Variants in ATP10D observed in about 807,000 individuals in gnomAD.
ATP10D encodes the protein phospholipid-transporting ATPase VD.
A neutral mutation model predicts 144.8 loss-of-function variants in ATP10D; 89 were observed. That is an observed-to-expected ratio of 0.61 (90% CI 0.52 to 0.73). ATP10D has a LOEUF of 0.73. Ranked by LOEUF, ATP10D falls within the 30% of genes least tolerant of loss-of-function variation. The pLI, the probability that ATP10D is intolerant of heterozygous loss-of-function variation, is 0.00. For synonymous variants in ATP10D, 571 were observed against 615.1 expected (o/e 0.93, Z 1.06); for missense variants, 1,603 against 1,714.8 (o/e 0.93, Z 1.15).
intron 10 of ATP10D, among the ~76,000 whole-genome samples, chr4:47,553,534 G>T (rs1718830907): frequency 1.3e-5 from 2 of 152,212 alleles, no homozygotes; most frequent in South Asian, 4.1e-4. Flanking sequence ...AACATTAAAT[G>T]ACTTAGGTTC....
chr4:47,549,654 T>G (rs1718623161), intron 10 of ATP10D, among the ~76,000 whole-genome samples: 1 of 152,194 alleles, frequency 6.6e-6, no homozygotes, highest in Non-Finnish European at 1.5e-5. Context: ...AAATGAATAA[T>G]TATAAACCTG....
chr4:47,563,083 G>A (rs1719408212), intron 14 of ATP10D, among the ~76,000 whole-genome samples: 2 of 152,136 alleles, frequency 1.3e-5, no homozygotes, highest in Admixed American at 6.5e-5. Context: ...GGGAGGATAG[G>A]TCGGGGAGCA....
chr4:47,556,313 A>G (rs1367849306), intron 11 of ATP10D, among the ~76,000 whole-genome samples: 6 of 152,180 alleles, frequency 3.9e-5, no homozygotes, highest in Non-Finnish European at 8.8e-5. Context: ...TTTCCTTCCA[A>G]TTAAGTTGAG....
chr4:47,559,303 G>T (rs952703886), intron 13 of ATP10D, among the ~76,000 whole-genome samples: 1 of 152,084 alleles, frequency 6.6e-6, no homozygotes, highest in African/African-American at 2.4e-5. Flanking sequence ...GTTTGGCTGG[G>T]AATAAAAATC....
chr4:47,532,737 C>T (rs1378906047), intron 5 of ATP10D, among the ~76,000 whole-genome samples: 2 of 152,182 alleles, frequency 1.3e-5, no homozygotes, highest in East Asian at 1.9e-4. Context: ...CTGACATCCT[C>T]CCTATTTGTG....
At chr4:47,524,988 G>C (rs1717164881) in intron 4 of ATP10D, among the ~76,000 whole-genome samples, 1 of 152,068 alleles carries the variant, frequency 6.6e-6, no homozygotes, top group African/African-American at 2.4e-5. Context: ...TGTTTCAGGG[G>C]AATCCATACC....
Position 47,591,441 on chromosome 4 carries a change from A to G in ATP10D, c.*60A>G. 1 of 1,406,892 alleles carries G rather than the reference A, an allele frequency of 7.1e-7. No individual in the cohort carries two copies. The highest frequency in any genetic ancestry group is 2.3e-5 in the East Asian group (1 of 43,572). 87.2% of individuals were successfully genotyped at this position (1,406,892 alleles called of 1,614,324 possible). A position where few individuals can be genotyped will look rare whatever the true frequency, so the allele number is the denominator to read the frequency against. On this transcript the variant is annotated 3_prime_UTR_variant, in exon 23 of 23. Transcript: ENST00000273859. ...GTTGGAAGAGGGATTTTGAAGAGGT[A>G]TCTCTCCAAGCAAGAATGACTTGTT... is the stretch of plus-strand genomic sequence containing the variant.
chr4:47,565,278 G>A (rs1719564355), intron 15 of ATP10D, among the ~76,000 whole-genome samples: 1 of 152,064 alleles, frequency 6.6e-6, no homozygotes, highest in Non-Finnish European at 1.5e-5. Flanking sequence ...ATGTTTTTAT[G>A]GTCAGACCTC....
chr4:47,589,025 T>TA (rs1720912467), intron 22 of ATP10D, among the ~76,000 whole-genome samples: 1 of 152,180 alleles, frequency 6.6e-6, no homozygotes, highest in East Asian at 1.9e-4. Context: ...AGGTGGATCC[T>TA]AAATGTAACC....
chr4:47,515,804 T>A, intron 3 of ATP10D, 134 bp downstream of exon 3: 1 of 666,948 alleles, frequency 1.5e-6, no homozygotes, highest in Non-Finnish European at 2.4e-6. Context: ...TGTTTTCAAC[T>A]AATATTTCGT....
At chr4:47,531,171 T>C (rs1290612580) in intron 5 of ATP10D, among the ~76,000 whole-genome samples, 3 of 152,188 alleles carry the variant, frequency 2.0e-5, no homozygotes, top group Non-Finnish European at 2.9e-5. Flanking sequence ...TTATTAATGA[T>C]TCAATTTCAT....
At chr4:47,542,611 G>A (rs1045260183) in intron 9 of ATP10D, among the ~76,000 whole-genome samples, 2 of 152,006 alleles carry the variant, frequency 1.3e-5, no homozygotes, top group African/African-American at 4.8e-5. Flanking sequence ...CCTAGTAGCT[G>A]GGATTACAGG....
intron 9 of ATP10D, among the ~76,000 whole-genome samples, chr4:47,537,749 A>G (rs1717926677): frequency 6.6e-6 from 1 of 152,114 alleles, no homozygotes; most frequent in Non-Finnish European, 1.5e-5. Flanking sequence ...GTTTTCTACT[A>G]TATGTGGTCA....
intron 1 of ATP10D, among the ~76,000 whole-genome samples, chr4:47,490,580 T>A (rs1298749631): frequency 2.6e-5 from 4 of 152,200 alleles, no homozygotes; most frequent in Non-Finnish European, 1.5e-5. Context: ...TTGATTTGGG[T>A]CATGGTCAGG....
rs772682363 is a variant in ATP10D, at chr4:47,557,790, G to A, written c.1951G>A (p.Gly651Arg). The change falls in exon 12 of 23, where the codon GGA (glycine) becomes AGA (arginine). Residue 651 changes from glycine to arginine, a missense_variant. By Grantham distance (125) the Gly-to-Arg change is moderately radical. Coordinates refer to ENST00000273859, the MANE Select transcript of ATP10D (RefSeq NM_020453.4). The part of the protein sequence containing the change: ...SLNSGKEPSS[G>R]VPNAFVSRLP... ...TAACAGTGGGAAAGAGCCATCTTCT[G>A]GAGTTCCAAACGCCTTTGTGAGCAG... 5.0e-6 allele frequency: 8 copies of A among 1,614,192 alleles called. No homozygotes were observed. Among genetic ancestry groups the A allele is most frequent in the Middle Eastern group, 1.7e-4 (1 of 6,058 alleles).
At chr4:47,502,298 C>G (rs894691882) in intron 1 of ATP10D, among the ~76,000 whole-genome samples, 2 of 152,044 alleles carry the variant, frequency 1.3e-5, no homozygotes, top group Non-Finnish European at 2.9e-5. Context: ...GGTGAAACCC[C>G]GTCTCTACTA....
intron 14 of ATP10D, among the ~76,000 whole-genome samples, chr4:47,562,735 G>T (rs945701440): frequency 2.0e-5 from 3 of 152,050 alleles, no homozygotes; most frequent in Non-Finnish European, 2.9e-5. Context: ...AAAAGTACCT[G>T]CAATCATAGG....
intron 9 of ATP10D, among the ~76,000 whole-genome samples, chr4:47,538,479 T>C (rs1577661222): frequency 6.6e-6 from 1 of 152,244 alleles, no homozygotes; most frequent in East Asian, 1.9e-4. Context: ...TTATCACTTA[T>C]TAGTTTTCTA....
At chr4:47,588,137 C>T (rs1337790221) in intron 22 of ATP10D, among the ~76,000 whole-genome samples, 1 of 152,056 alleles carries the variant, frequency 6.6e-6, no homozygotes, top group Non-Finnish European at 1.5e-5. Context: ...TTTCAACTTT[C>T]CTCCCTTATC....
Sources: gnomAD v4.1 joint callset for allele counts (sites outside exome capture counted in the v4.1 genomes callset) on GRCh38, gnomAD v4.1.1 for gene constraint, MANE v1.5 for transcripts, NCBI Gene and HGNC (gene_info 2026-07-23, HGNC 2026-07-21) for gene names.